IFT140: variants seen among roughly 807,000 people sequenced by gnomAD.
The protein encoded by IFT140 is intraflagellar transport 140.
Under a neutral mutation model 164.6 loss-of-function variants are expected in IFT140, and 133 were observed. That is an observed-to-expected ratio of 0.81 (90% CI 0.70 to 0.93). The LOEUF (loss-of-function observed/expected upper bound fraction) is 0.93. IFT140 is among the 40% of genes least tolerant of loss of function. IFT140 has a pLI of 0.00. For missense variants in IFT140, 2,045 were observed against 1,972.3 expected (o/e 1.04, Z -0.70); for synonymous variants, 860 against 817.3 (o/e 1.05, Z -0.89).
chr16:1,590,490 C>T (rs2035123377), intron 6 of IFT140, among the ~76,000 whole-genome samples: 1 of 152,162 alleles, frequency 6.6e-6, no homozygotes, highest in African/African-American at 2.4e-5. Context: ...TGCCGCCTGC[C>T]TCCTGCCAGG....
At chr16:1,528,949 C>T (rs903694733) in intron 19 of IFT140, among the ~76,000 whole-genome samples, 5 of 152,148 alleles carry the variant, frequency 3.3e-5, no homozygotes, top group African/African-American at 4.8e-5. Context: ...ATCTCAGCTT[C>T]CCTGGCTCCC....
chr16:1,572,240 A>G lies in IFT140; in HGVS notation c.1525-706T>C, dbSNP rs1881993911. Among the ~76,000 whole-genome samples the G allele has an allele frequency of 2.0e-5, 3 of 152,320 alleles. No homozygotes were observed. In the South Asian group the frequency reaches 6.2e-4, roughly 32 times the overall value. On this transcript the variant is annotated intron_variant, in intron 13 of 30. Transcript: ENST00000426508. ...AGATTTCCTTCTAAGTGAAACTGGA[A>G]GACTGCAGGGTTTTGAGCTGGGAAG...
At position 1,567,049 on chromosome 16, in the gene IFT140, A is replaced by G. The variant is rs573473133; in HGVS notation, c.1771-758T>C. ...CTCCCAGGCACCTGCCCTTCTGCTC[A>G]TCCACCTTTGCAGCAAACATCTCCT... is the stretch of plus-strand genomic sequence containing the variant. On this transcript the variant is annotated intron_variant, in intron 15 of 30. Transcript: ENST00000426508. Among the ~76,000 whole-genome samples, 205 of 152,088 alleles carry G rather than the reference A, an allele frequency of 1.3e-3. 3 individuals carry two copies. The highest frequency in any genetic ancestry group is 7.5e-4 in the African/African-American group (31 of 41,496).
intron 19 of IFT140, among the ~76,000 whole-genome samples, chr16:1,550,849 CTG>C (rs1400473711): frequency 6.6e-6 from 1 of 152,274 alleles, no homozygotes; most frequent in Non-Finnish European, 1.5e-5. Flanking sequence ...CTAGCCGTCT[CTG>C]TGGCTGACGC....
intron 24 of IFT140, 47 bp downstream of exon 24, chr16:1,524,505 C>A: frequency 6.2e-7 from 1 of 1,603,398 alleles, no homozygotes; most frequent in Non-Finnish European, 8.5e-7. Context: ...AAGCTCTCCT[C>A]AGGGGACCTC....
rs564994731 is a variant in IFT140, at chr16:1,565,366, T to C, written c.1901+795A>G. Among the ~76,000 whole-genome samples the C allele has an allele frequency of 2.0e-5, 3 of 151,542 alleles. No individual in the cohort carries two copies. In the East Asian group the frequency reaches 5.9e-4, roughly 30 times the overall value. On this transcript the variant is annotated intron_variant, in intron 16 of 30. Transcript: ENST00000426508. ...GATGGAGAGTTCCACAGGAAGTCAC[T>C]GGCAGAGGGATGAAATGAGGCCACC...
chr16:1,573,073 C>A (rs1418865670), intron 13 of IFT140, among the ~76,000 whole-genome samples: 1 of 152,162 alleles, frequency 6.6e-6, no homozygotes, highest in Admixed American at 6.5e-5. Context: ...AGCAAAGGGG[C>A]AGGAGCCTGC....
intron 13 of IFT140, among the ~76,000 whole-genome samples, chr16:1,578,963 C>T (rs764198475): frequency 3.3e-5 from 5 of 152,194 alleles, no homozygotes; most frequent in East Asian, 1.9e-4. Context: ...CCTCCCACCT[C>T]GCCCTCCCCA....
intron 4 of IFT140, among the ~76,000 whole-genome samples, chr16:1,600,044 G>T (rs1379456298): frequency 6.8e-6 from 1 of 147,434 alleles, no homozygotes; most frequent in Non-Finnish European, 1.5e-5. Flanking sequence ...TGAGAAATCG[G>T]ATGGTTGCCG....
At position 1,511,170 on chromosome 16, in the gene IFT140, A is replaced by G. The variant is rs371461352; in HGVS notation, c.4183-20T>C. The stretch of plus-strand genomic sequence containing the variant: ...GTAGGCCTGGGGCAGAGGAGCAGAC[A>G]TTACTCAGCTTTCCTGAACAACCAG... On this transcript the variant is annotated intron_variant, in intron 30 of 30. Coordinates refer to ENST00000426508, the MANE Select transcript of IFT140 (RefSeq NM_014714.4). 7.2e-5 allele frequency: 114 copies of G among 1,584,476 alleles called. No individual in the cohort carries two copies. Among genetic ancestry groups the G allele is most frequent in the African/African-American group, 1.2e-4 (9 of 74,708 alleles).
Position 1,524,422 on chromosome 16 carries a change from T to C in IFT140, c.3141+130A>G, listed in dbSNP as rs1280745342. Reference sequence around the variant, plus strand: ...GGGTGGGCGGGTGAGGCAGACGGGGTGAGCAGTGAGTGGCAGACACTGGCC... The same window carrying C: ...GGGTGGGCGGGTGAGGCAGACGGGGCGAGCAGTGAGTGGCAGACACTGGCC... On this transcript the variant is annotated intron_variant, in intron 24 of 30. Coordinates refer to ENST00000426508, the MANE Select transcript of IFT140 (RefSeq NM_014714.4). 5 of 1,241,192 alleles carry C rather than the reference T, an allele frequency of 4.0e-6. No individual in the cohort carries two copies. The East Asian group carries it at 1.2e-4, about 31-fold the overall frequency. 76.9% of individuals were successfully genotyped at this position (1,241,192 alleles called of 1,614,324 possible). A position where few individuals can be genotyped will look rare whatever the true frequency, so the allele number is the denominator to read the frequency against.
At chr16:1,597,915 C>A (rs2035544679) in intron 4 of IFT140, among the ~76,000 whole-genome samples, 1 of 152,158 alleles carries the variant, frequency 6.6e-6, no homozygotes, top group Non-Finnish European at 1.5e-5. Flanking sequence ...TGTCACCATG[C>A]CTGGCTTACT....
Position 1,587,955 on chromosome 16 carries a change from C to T in IFT140, c.880G>A (p.Ala294Thr), listed in dbSNP as rs774130498. The T allele has an allele frequency of 1.2e-6, 2 of 1,612,988 alleles. No homozygotes were observed. The highest frequency in any genetic ancestry group is 1.7e-6 in the Non-Finnish European group (2 of 1,179,498). ...ALIEGSLLVM[A>T]VGEAALRFWD... ...CACCTGAGGGCAGCCTCCCCGACGGCCATCACGAGAAGGCTGCCTTCAATC... is the reference window on the plus strand; with the variant it reads ...CACCTGAGGGCAGCCTCCCCGACGGTCATCACGAGAAGGCTGCCTTCAATC... Residue 294 changes from alanine to threonine, a missense_variant, in exon 8 of 31, where the codon GCC becomes ACC. Ala to Thr is a moderately conservative substitution (Grantham distance 58). Transcript: ENST00000426508.
At chr16:1,567,034 C>T (rs1596377587) in intron 15 of IFT140, among the ~76,000 whole-genome samples, 1 of 152,154 alleles carries the variant, frequency 6.6e-6, no homozygotes, top group South Asian at 2.1e-4. Flanking sequence ...CTCCCAGGCA[C>T]CTGCCCTTCT....
At chr16:1,529,822 G>T (rs938154610) in intron 19 of IFT140, among the ~76,000 whole-genome samples, 5 of 152,202 alleles carry the variant, frequency 3.3e-5, no homozygotes, top group Admixed American at 2.0e-4. Flanking sequence ...TCAAGACTGG[G>T]GGTCCAGGGC....
intron 14 of IFT140, among the ~76,000 whole-genome samples, chr16:1,570,603 C>T (rs1429524267): frequency 1.3e-5 from 2 of 152,210 alleles, no homozygotes; most frequent in African/African-American, 2.4e-5. Context: ...GCAGTTCCTT[C>T]GGCCTAAGTG....
chr16:1,518,171 C>G (rs1179432444), intron 30 of IFT140, 45 bp downstream of exon 30: 2 of 1,595,996 alleles, frequency 1.3e-6, no homozygotes, highest in South Asian at 1.1e-5. Flanking sequence ...GTTTCAGGAG[C>G]CTTGTGTGGC....
At chr16:1,535,756 C>T (rs1232178473) in intron 19 of IFT140, among the ~76,000 whole-genome samples, 5 of 152,250 alleles carry the variant, frequency 3.3e-5, no homozygotes, top group South Asian at 2.1e-4. Flanking sequence ...CAAAGGCCCT[C>T]GGCTGCACCG....
Position 1,531,621 on chromosome 16 carries a change from C to T in IFT140, c.2400-4825G>A, listed in dbSNP as rs558507288. The T allele has an allele frequency of 6.6e-6, 1 of 152,446 alleles. No individual in the cohort carries two copies. The highest frequency in any genetic ancestry group is 1.9e-4 in the East Asian group (1 of 5,176). The allele number at this position is 152,446 out of a possible 1,614,324, so 9.4% of individuals were successfully genotyped here. A position where few individuals can be genotyped will look rare whatever the true frequency, so the allele number is the denominator to read the frequency against. On this transcript the variant is annotated intron_variant, in intron 19 of 30. Transcript: ENST00000426508. The surrounding 1 kb of genome is among the most constrained non-coding windows in gnomAD (Gnocchi z 4.7). ...GAGTCACCCCCCGAGAGCCACAGAT[C>T]CTCCCAGGAGGGTCGCTCTTAACTT...
Sources: allele counts gnomAD v4.1 joint callset (sites outside exome capture counted in the v4.1 genomes callset), GRCh38; gene constraint gnomAD v4.1.1; non-coding constraint Gnocchi (gnomAD v3.1); transcripts MANE v1.5; gene names NCBI Gene and HGNC (gene_info 2026-07-23, HGNC 2026-07-21).